Variants in RTL4 observed in about 807,000 individuals in gnomAD.
RTL4 encodes retrotransposon Gag like 4.
In RTL4, 4 loss-of-function variants were observed where a neutral mutation model predicts 5.3. The ratio of observed to expected loss-of-function variants is 0.75; its 90% CI spans 0.37 to 1.72. The LOEUF (loss-of-function observed/expected upper bound fraction) is 1.72, where lower values mean the gene tolerates loss of function less well. RTL4 is among the 40% of genes most tolerant of loss of function. The pLI is 0.04. For synonymous variants in RTL4, 98 were observed against 87.3 expected (o/e 1.12, Z -0.68); for missense variants, 260 against 227.1 (o/e 1.14, Z -0.93).
At chrX:112,307,565 G>A in the RTL4 span, among the ~76,000 whole-genome samples, 2 of 111,569 alleles carry the variant, frequency 1.8e-5, no homozygotes, top group Admixed American at 1.9e-4. Context: ...TGGAACTACT[G>A]TACAGGCCTT....
the RTL4 span, among the ~76,000 whole-genome samples, chrX:112,352,335 A>T: frequency 9.0e-6 from 1 of 110,610 alleles, no homozygotes; most frequent in Non-Finnish European, 1.9e-5. Flanking sequence ...AAATACTTTA[A>T]TGTTCATATG....
the RTL4 span, among the ~76,000 whole-genome samples, chrX:112,138,583 G>GT: frequency 1.2e-3 from 132 of 109,463 alleles, 1 homozygote; most frequent in African/African-American, 4.1e-3. Context: ...TCAGTAAAGT[G>GT]TTTTTTTTAA....
At chrX:112,360,958 CAAAAAAAG>C in the RTL4 span, among the ~76,000 whole-genome samples, 6 of 109,436 alleles carry the variant, frequency 5.5e-5, no homozygotes, top group African/African-American at 1.7e-4. Context: ...AGAAACAGAA[CAAAAAAAG>C]AAAAAAAGAA....
chrX:112,117,294 G>T, the RTL4 span, among the ~76,000 whole-genome samples: 1 of 103,375 alleles, frequency 9.7e-6, no homozygotes, highest in Non-Finnish European at 2.0e-5. Context: ...TACAAAATTT[G>T]AAAAGATGGG....
At chrX:112,406,748 C>T in the RTL4 span, among the ~76,000 whole-genome samples, 1 of 110,490 alleles carries the variant, frequency 9.1e-6, no homozygotes, top group Admixed American at 9.7e-5. Flanking sequence ...AGACTCCTTC[C>T]ATCTGCTTGA....
the RTL4 span, among the ~76,000 whole-genome samples, chrX:112,236,451 AGATATAGATC>A: frequency 1.2e-5 from 1 of 81,819 alleles, no homozygotes; most frequent in African/African-American, 5.0e-5. Flanking sequence ...ATCTATATAT[AGATATAGATC>A]TATATCTATA....
chrX:112,257,602 C>T, the RTL4 span, among the ~76,000 whole-genome samples: 622 of 109,732 alleles, frequency 5.7e-3, 2 homozygotes, highest in African/African-American at 0.019. Flanking sequence ...TGTGAGGTCC[C>T]GTTTTTCATA....
chrX:112,178,115 C>T, the RTL4 span, among the ~76,000 whole-genome samples: 1 of 111,272 alleles, frequency 9.0e-6, no homozygotes, highest in Admixed American at 9.6e-5. Context: ...TTCTTAATAG[C>T]GCTGAAGGTA....
At chrX:112,414,418 CT>C in the RTL4 span, among the ~76,000 whole-genome samples, 2 of 111,441 alleles carry the variant, frequency 1.8e-5, no homozygotes, top group Non-Finnish European at 3.8e-5. Flanking sequence ...TTCAAAATCA[CT>C]TTTTGAAAAG....
the RTL4 span, among the ~76,000 whole-genome samples, chrX:112,128,802 C>A: frequency 9.0e-6 from 1 of 111,099 alleles, no homozygotes; most frequent in African/African-American, 3.3e-5. Context: ...GGCTATGACA[C>A]CAAAAGCTTA....
the RTL4 span, among the ~76,000 whole-genome samples, chrX:112,101,861 G>A: frequency 9.0e-6 from 1 of 110,630 alleles, no homozygotes; most frequent in Non-Finnish European, 1.9e-5. Flanking sequence ...AGAAGCCCAT[G>A]TGAAAATGGA....
chrX:112,315,145 A>G, the RTL4 span, among the ~76,000 whole-genome samples: 1 of 111,868 alleles, frequency 8.9e-6, no homozygotes, highest in Admixed American at 9.5e-5. Context: ...TCCAGAAGTC[A>G]GGCCCCACGT....
chrX:112,435,507 T>C, the RTL4 span, among the ~76,000 whole-genome samples: 28,216 of 111,138 alleles, frequency 0.25, 2,977 homozygotes, highest in African/African-American at 0.4. Context: ...GGAAAATACA[T>C]TTCGTAAAGG....
the RTL4 span, among the ~76,000 whole-genome samples, chrX:112,235,930 A>T: frequency 3.6e-5 from 4 of 111,782 alleles, no homozygotes; most frequent in Admixed American, 3.8e-4. Flanking sequence ...AGAGCTGTAA[A>T]TGTTTGTGGA....
exon 1 of RTL4, chrX:112,455,937 G>C (rs1926835879): frequency 5.7e-6 from 2 of 351,867 alleles, no homozygotes; most frequent in Non-Finnish European, 1.0e-5. Flanking sequence ...GCAAAACTTT[G>C]CCCAGTCTGA....
the RTL4 span, among the ~76,000 whole-genome samples, chrX:112,351,325 G>GA: frequency 0.11 from 11,964 of 106,230 alleles, 2,142 homozygotes; most frequent in African/African-American, 0.41. Flanking sequence ...GTGTGGTGCT[G>GA]AAAAAAATGT....
chrX:112,292,510 A>G, the RTL4 span, among the ~76,000 whole-genome samples: 1 of 111,731 alleles, frequency 9.0e-6, no homozygotes, highest in African/African-American at 3.3e-5. Context: ...TGATAAGCAA[A>G]ATTCTGAATA....
chrX:112,325,128 C>T, the RTL4 span, among the ~76,000 whole-genome samples: 9 of 111,195 alleles, frequency 8.1e-5, no homozygotes, highest in East Asian at 8.5e-4. Flanking sequence ...AACTACAAAC[C>T]GCTGCTCGAT....
the RTL4 span, among the ~76,000 whole-genome samples, chrX:112,431,734 TTTA>T: frequency 2.7e-5 from 3 of 110,697 alleles, no homozygotes; most frequent in African/African-American, 9.9e-5. Flanking sequence ...TTTTTTTTAT[TTTA>T]TTATTATTGT....
Sources: allele counts gnomAD v4.1 joint callset (sites outside exome capture counted in the v4.1 genomes callset), GRCh38; gene constraint gnomAD v4.1.1; transcripts MANE v1.5; gene names NCBI Gene and HGNC (gene_info 2026-07-23, HGNC 2026-07-21).